Variants in SIPA1L2 observed in about 807,000 individuals in gnomAD.
SIPA1L2 encodes the protein signal induced proliferation associated 1 like 2.
Under a neutral mutation model 163.9 loss-of-function variants are expected in SIPA1L2, and 56 were observed. The ratio of observed to expected loss-of-function variants is 0.34; its 90% confidence interval spans 0.28 to 0.43. The LOEUF (loss-of-function observed/expected upper bound fraction) is 0.43. SIPA1L2 is among the 20% of genes least tolerant of loss of function. The pLI, the probability that SIPA1L2 is intolerant of heterozygous loss-of-function variation, is 1.00. For missense variants in SIPA1L2, 1,974 were observed against 2,193.5 expected (o/e 0.90, Z 2.00); for synonymous variants, 877 against 865.7 (o/e 1.01, Z -0.23).
chr1:232,525,311 T>A (rs6424232), intron 2 of SIPA1L2, among the ~76,000 whole-genome samples: 7 of 147,892 alleles, frequency 4.7e-5, no homozygotes, highest in African/African-American at 1.8e-4. Context: ...TCTTGGCTCA[T>A]GGCAACCTCC....
chr1:232,422,839 C>T (rs956343515), intron 18 of SIPA1L2, among the ~76,000 whole-genome samples: 1 of 152,176 alleles, frequency 6.6e-6, no homozygotes, highest in Non-Finnish European at 1.5e-5. Flanking sequence ...TTTTGGGCTG[C>T]TCTAGTTTTT....
intron 1 of SIPA1L2, among the ~76,000 whole-genome samples, chr1:232,606,843 A>G (rs1272866502): frequency 6.6e-6 from 1 of 151,920 alleles, no homozygotes; most frequent in Non-Finnish European, 1.5e-5. Flanking sequence ...CTTAGATGTT[A>G]GGGGCTTTTA....
chr1:232,436,404 G>A lies in SIPA1L2; in HGVS notation c.4031+2704C>T, dbSNP rs144215681. 6.6e-3 allele frequency among the ~76,000 whole-genome samples: 1,001 copies of A among 152,270 alleles called. 6 individuals carry two copies. The highest frequency in any genetic ancestry group is 6.9e-3 in the Non-Finnish European group (472 of 68,016). On this transcript the variant is annotated intron_variant, in intron 15 of 22. Transcript: ENST00000674635. Reference sequence around the variant, plus strand: ...GGGTGCTGTGAAGAAAATAACACACGGGTCAGGGGCACGGAGCACTTGGAG... The same window carrying A: ...GGGTGCTGTGAAGAAAATAACACACAGGTCAGGGGCACGGAGCACTTGGAG...
At chr1:232,414,318 G>A (rs1006700871) in intron 19 of SIPA1L2, among the ~76,000 whole-genome samples, 5 of 152,190 alleles carry the variant, frequency 3.3e-5, no homozygotes, top group Non-Finnish European at 5.9e-5. Flanking sequence ...CAGAGGCACT[G>A]ATACCAGCTG....
intron 5 of SIPA1L2, among the ~76,000 whole-genome samples, chr1:232,486,643 G>A: frequency 6.6e-6 from 1 of 152,206 alleles, no homozygotes; most frequent in Non-Finnish European, 1.5e-5. Flanking sequence ...TTAGGAGACA[G>A]AAATCTCTCC....
rs532710364 is a variant in SIPA1L2, at chr1:232,583,389, C to A, written c.-318-9167G>T. 2.6e-5 allele frequency among the ~76,000 whole-genome samples: 4 copies of A among 152,168 alleles called. No individual in the cohort carries two copies. In the East Asian group the frequency reaches 7.7e-4, roughly 29 times the overall value. On this transcript the variant is annotated intron_variant, in intron 1 of 22. Transcript: ENST00000674635. ...CTTTTACCATCTGCTTGTAGACAAG[C>A]AAAACACTAAAAATGAGAAAATATC...
At chr1:232,628,618 A>G (rs538484136) in intron 1 of SIPA1L2, among the ~76,000 whole-genome samples, 177 of 152,344 alleles carry the variant, frequency 1.2e-3, no homozygotes, top group African/African-American at 4.1e-3. Context: ...CCACCTCTCA[A>G]TATCCGCAAA....
At position 232,441,408 on chromosome 1, in the gene SIPA1L2, AGAGAG is replaced by A; in HGVS notation, c.3539-19_3539-15del. On this transcript the variant is annotated splice_polypyrimidine_tract_variant and intron_variant, in intron 13 of 22. Coordinates refer to ENST00000674635, the MANE Select transcript of SIPA1L2 (RefSeq NM_020808.5). ...GCCATTTGGTTTCTGTCACATAAAA[AGAGAG>A]GAGTTGAATTTCCAATTTCCAGTAT... is the stretch of plus-strand genomic sequence containing the variant. 1 of 1,591,776 alleles carries A rather than the reference AGAGAG, an allele frequency of 6.3e-7. No individual in the cohort carries two copies. The highest frequency in any genetic ancestry group is 1.4e-5 in the African/African-American group (1 of 73,648).
At chr1:232,593,203 C>T (rs1030553609) in intron 1 of SIPA1L2, among the ~76,000 whole-genome samples, 1 of 152,044 alleles carries the variant, frequency 6.6e-6, no homozygotes, top group African/African-American at 2.4e-5. Flanking sequence ...TCTAAAAGTC[C>T]TAAGTCAAAT....
intron 11 of SIPA1L2, 108 bp downstream of exon 11, chr1:232,445,421 G>A: frequency 6.6e-7 from 1 of 1,510,500 alleles, no homozygotes; most frequent in South Asian, 1.3e-5. Flanking sequence ...CCAACTTGCT[G>A]TGAACAAGCT....
intron 5 of SIPA1L2, among the ~76,000 whole-genome samples, chr1:232,488,987 G>T (rs1665787377): frequency 6.6e-6 from 1 of 152,202 alleles, no homozygotes; most frequent in African/African-American, 2.4e-5. Context: ...ACTTGTAGCT[G>T]CCATGATGTC....
At position 232,518,262 on chromosome 1, in the gene SIPA1L2, T is replaced by A. The variant is rs553073420; in HGVS notation, c.-269-2654A>T. Reference sequence around the variant, plus strand: ...TTAGCTTTAGTGGACAGCTACTGATTTTTCCTATCTAAAATCCACTCCCCT... The same window carrying A: ...TTAGCTTTAGTGGACAGCTACTGATATTTCCTATCTAAAATCCACTCCCCT... On this transcript the variant is annotated intron_variant, in intron 2 of 22. Coordinates refer to ENST00000674635, the MANE Select transcript of SIPA1L2 (RefSeq NM_020808.5). Among the ~76,000 whole-genome samples, 4 of 152,280 alleles carry A rather than the reference T, an allele frequency of 2.6e-5. No individual in the cohort carries two copies. The East Asian group carries it at 7.7e-4, about 29-fold the overall frequency.
chr1:232,555,789 C>T (rs867723602), intron 2 of SIPA1L2, among the ~76,000 whole-genome samples: 1 of 152,140 alleles, frequency 6.6e-6, no homozygotes, highest in Admixed American at 6.5e-5. Flanking sequence ...ATTCTAGGTC[C>T]TAGAAAGCAC....
intron 1 of SIPA1L2, among the ~76,000 whole-genome samples, chr1:232,626,772 C>T (rs1663099383): frequency 1.3e-5 from 2 of 152,142 alleles, no homozygotes; most frequent in African/African-American, 4.8e-5. Flanking sequence ...ATAAACATCC[C>T]AGTCAGACAG....
chr1:232,592,986 G>A (rs981783358), intron 1 of SIPA1L2, among the ~76,000 whole-genome samples: 2 of 152,082 alleles, frequency 1.3e-5, no homozygotes, highest in African/African-American at 4.8e-5. Context: ...AGTGGTGCAG[G>A]TGCTGGACAC....
At position 232,514,669 on chromosome 1, in the gene SIPA1L2, G is replaced by T; in HGVS notation, c.671C>A (p.Ala224Glu). 6.2e-7 allele frequency: 1 copy of T among 1,614,218 alleles called. No individual in the cohort carries two copies. The highest frequency in any genetic ancestry group is 8.5e-7 in the Non-Finnish European group (1 of 1,180,034). Residue 224 changes from alanine to glutamate, a missense_variant, in exon 3 of 23, where the codon GCA becomes GAA. Ala to Glu is a moderately radical substitution (Grantham distance 107). This residue lies in a region of SIPA1L2 where 607 missense variants were observed against 624.0 expected (regional missense o/e 0.97). Transcript: ENST00000674635. ...TTCAGGGAACCCAAAAGGGACCATT[G>T]CTTTGTGGTCATAATTTTCTACTCG... ...GYRVENYDHKAMVPFGFPEFF... is the reference protein window; with the variant it reads ...GYRVENYDHKEMVPFGFPEFF...
intron 2 of SIPA1L2, among the ~76,000 whole-genome samples, chr1:232,543,986 A>G (rs962140557): frequency 3.9e-5 from 6 of 152,234 alleles, no homozygotes; most frequent in African/African-American, 1.4e-4. Context: ...TAACTCTCAC[A>G]TTGTTCAAGT....
At chr1:232,487,919 TACAC>T (rs5781699) in intron 5 of SIPA1L2, among the ~76,000 whole-genome samples, 4,304 of 144,042 alleles carry the variant, frequency 0.03, 74 homozygotes, top group African/African-American at 0.046. Context: ...GTAATTAGGT[TACAC>T]ACACACACAC....
rs575571316 is a variant in SIPA1L2 at position 232,572,007 on chromosome 1, A to G, written c.-270+2167T>C. Among the ~76,000 whole-genome samples the G allele has an allele frequency of 3.3e-5, 5 of 152,352 alleles. No individual in the cohort carries two copies. The South Asian group carries it at 1.0e-3, about 32-fold the overall frequency. On this transcript the variant is annotated intron_variant, in intron 2 of 22. Coordinates refer to ENST00000674635, the MANE Select transcript of SIPA1L2 (RefSeq NM_020808.5). ...ATCACAAATGTGCTCCCTATTGTAT[A>G]CGGTAGCATATTCCAGAACTGCACT... is the stretch of plus-strand genomic sequence containing the variant.
Sources: gnomAD v4.1 joint callset for allele counts (sites outside exome capture counted in the v4.1 genomes callset) on GRCh38, gnomAD v4.1.1 for gene constraint, gnomAD v4.1.1 regional missense constraint, MANE v1.5 for transcripts, NCBI Gene and HGNC (gene_info 2026-07-23, HGNC 2026-07-21) for gene names.